RBMS3: variants seen among roughly 807,000 people sequenced by gnomAD.
RBMS3 encodes the protein RNA binding motif single stranded interacting protein 3.
A neutral mutation model predicts 66.8 loss-of-function variants in RBMS3; 27 were observed. That is an observed-to-expected ratio of 0.40 (90% CI 0.30 to 0.56). RBMS3 has a LOEUF of 0.56. Ranked by LOEUF, RBMS3 falls within the 20% of genes least tolerant of loss-of-function variation. The pLI, the probability that RBMS3 is intolerant of heterozygous loss-of-function variation, is 0.40. For missense variants in RBMS3, 513 were observed against 549.5 expected, an observed-to-expected ratio of 0.93 and a Z score of 0.66; for synonymous variants, 188 against 183.0, an observed-to-expected ratio of 1.03 and a Z score of -0.22.
chr3:29,642,187 G>C (rs1041492332), intron 4 of RBMS3, among the ~76,000 whole-genome samples: 2 of 152,070 alleles, frequency 1.3e-5, no homozygotes, highest in African/African-American at 4.8e-5. Flanking sequence ...TGGGTGAAGT[G>C]AATGAACTAG....
chr3:29,652,297 T>C (rs1003653105), intron 4 of RBMS3, among the ~76,000 whole-genome samples: 2 of 152,088 alleles, frequency 1.3e-5, no homozygotes, highest in African/African-American at 2.4e-5. Flanking sequence ...CTCCCTTACC[T>C]TGTATACTTG....
At chr3:29,971,531 T>A (rs1264179646) in intron 12 of RBMS3, among the ~76,000 whole-genome samples, 10 of 152,128 alleles carry the variant, frequency 6.6e-5, no homozygotes, top group Admixed American at 6.6e-4. Flanking sequence ...TTATTCAATT[T>A]AAAAAAAGAA....
chr3:29,650,681 C>T (rs986515032), intron 4 of RBMS3, among the ~76,000 whole-genome samples: 12 of 152,058 alleles, frequency 7.9e-5, no homozygotes, highest in Admixed American at 2.0e-4. Flanking sequence ...GGTACTTGCC[C>T]GGTTGACAAA....
chr3:29,650,962 G>C (rs2050123796), intron 4 of RBMS3, among the ~76,000 whole-genome samples: 1 of 152,172 alleles, frequency 6.6e-6, no homozygotes, highest in African/African-American at 2.4e-5. Context: ...TACAGAGCCT[G>C]AAGTCTTTAT....
intron 1 of RBMS3, chr3:29,390,995 G>T: frequency 3.1e-6 from 1 of 321,114 alleles, no homozygotes; most frequent in Non-Finnish European, 6.8e-6. Context: ...GCCCATCTCT[G>T]TGTTTACATT....
intron 6 of RBMS3, among the ~76,000 whole-genome samples, chr3:29,789,846 A>G (rs935251471): frequency 4.6e-5 from 7 of 152,164 alleles, no homozygotes; most frequent in African/African-American, 1.4e-4. Context: ...TCAACTTTGA[A>G]TGCTTGTGAC....
intron 3 of RBMS3, among the ~76,000 whole-genome samples, chr3:29,541,254 A>C (rs1006476486): frequency 6.6e-6 from 1 of 151,694 alleles, no homozygotes; most frequent in Admixed American, 6.6e-5. Context: ...CACATGCCCA[A>C]CTGTCCAGTT....
intron 1 of RBMS3, among the ~76,000 whole-genome samples, chr3:29,397,616 T>TC (rs1364918031): frequency 6.6e-6 from 1 of 152,032 alleles, no homozygotes; most frequent in Non-Finnish European, 1.5e-5. Flanking sequence ...CCAAAACTCT[T>TC]CCCCCTCACA....
At chr3:29,529,507 T>G (rs963830989) in intron 3 of RBMS3, among the ~76,000 whole-genome samples, 3 of 152,212 alleles carry the variant, frequency 2.0e-5, no homozygotes, top group African/African-American at 7.2e-5. Flanking sequence ...TTTTTATACT[T>G]TATTTAATCT....
chr3:29,752,854 G>C (rs2055241690), intron 5 of RBMS3, among the ~76,000 whole-genome samples: 1 of 152,060 alleles, frequency 6.6e-6, no homozygotes, highest in South Asian at 2.1e-4. Flanking sequence ...CTGAGACAAA[G>C]AAGGGCATAG....
At chr3:29,673,954 A>C (rs2051122375) in intron 4 of RBMS3, among the ~76,000 whole-genome samples, 1 of 152,224 alleles carries the variant, frequency 6.6e-6, no homozygotes, top group Non-Finnish European at 1.5e-5. Context: ...CAACAAAAAA[A>C]GAGAATTTTA....
chr3:29,892,780 G>A (rs1477173364), intron 8 of RBMS3, among the ~76,000 whole-genome samples: 1 of 150,946 alleles, frequency 6.6e-6, no homozygotes, highest in African/African-American at 2.4e-5. Context: ...AAGTTCCCCA[G>A]TAGCATGACA....
At chr3:29,676,069 T>C (rs2051234369) in intron 4 of RBMS3, among the ~76,000 whole-genome samples, 1 of 152,196 alleles carries the variant, frequency 6.6e-6, no homozygotes, top group South Asian at 2.1e-4. Flanking sequence ...ATGTGGCACA[T>C]ATACACCATG....
At position 29,662,893 on chromosome 3, in the gene RBMS3, G is replaced by C. The variant is rs915450753; in HGVS notation, c.399+75688G>C. ...TATAAAACATCCGTTTCTTCTAAGA[G>C]TATCTTTAGCTGTGAATATACATCT... On this transcript the variant is annotated intron_variant, in intron 4 of 14. Coordinates refer to ENST00000383767, the MANE Select transcript of RBMS3 (RefSeq NM_001003793.3). 2.0e-5 allele frequency among the ~76,000 whole-genome samples: 3 copies of C among 152,248 alleles called. No individual in the cohort carries two copies. In the East Asian group the frequency reaches 5.8e-4, roughly 29 times the overall value.
At chr3:29,803,405 G>C (rs1214414498) in intron 6 of RBMS3, among the ~76,000 whole-genome samples, 1 of 152,026 alleles carries the variant, frequency 6.6e-6, no homozygotes, top group Non-Finnish European at 1.5e-5. Context: ...TGGCAAAATA[G>C]AATACCCAGC....
intron 4 of RBMS3, among the ~76,000 whole-genome samples, chr3:29,676,867 G>T (rs2051280354): frequency 1.3e-5 from 2 of 152,000 alleles, no homozygotes; most frequent in Non-Finnish European, 2.9e-5. Context: ...TTTGCTTGCT[G>T]TATTAGTCCA....
chr3:29,933,356 G>A (rs1183893073), intron 10 of RBMS3, among the ~76,000 whole-genome samples: 1 of 152,044 alleles, frequency 6.6e-6, no homozygotes, highest in Non-Finnish European at 1.5e-5. Flanking sequence ...AAGAGATTCT[G>A]TAGTTTTAAA....
chr3:29,762,876 C>T, intron 5 of RBMS3, 34 bp from the exon 6 acceptor site: 1 of 1,367,564 alleles, frequency 7.3e-7, no homozygotes, highest in South Asian at 1.2e-5. Flanking sequence ...TCTTGACAAC[C>T]ATATATGACC....
At chr3:29,340,993 C>T (rs894090242) in intron 1 of RBMS3, among the ~76,000 whole-genome samples, 1 of 151,866 alleles carries the variant, frequency 6.6e-6, no homozygotes, top group African/African-American at 2.4e-5. Flanking sequence ...TAGTTTTCAA[C>T]ATGTGAAATA....
Sources: allele counts gnomAD v4.1 joint callset (sites outside exome capture counted in the v4.1 genomes callset), GRCh38; gene constraint gnomAD v4.1.1; transcripts MANE v1.5; gene names NCBI Gene and HGNC (gene_info 2026-07-23, HGNC 2026-07-21).